Variants in SASH1 observed in about 807,000 individuals in gnomAD.
The protein encoded by SASH1 is SAM and SH3 domain-containing protein 1.
A neutral mutation model predicts 125.2 loss-of-function variants in SASH1; 44 were observed. The ratio of observed to expected loss-of-function variants is 0.35; its 90% confidence interval spans 0.28 to 0.45. The LOEUF (loss-of-function observed/expected upper bound fraction) is 0.45. SASH1 is among the 20% of genes least tolerant of loss of function. SASH1 has a pLI of 1.00. For missense variants in SASH1, 1,426 were observed against 1,614.5 expected, an observed-to-expected ratio of 0.88 and a Z score of 2.00; for synonymous variants, 639 against 649.1, an observed-to-expected ratio of 0.98 and a Z score of 0.24.
chr6:148,478,310 G>A (rs1256073546), intron 7 of SASH1, among the ~76,000 whole-genome samples: 6 of 152,274 alleles, frequency 3.9e-5, no homozygotes, highest in Non-Finnish European at 7.4e-5. Context: ...TAAAGAAAAT[G>A]TGGTACATAT....
rs113367122 is a variant in SASH1, at chr6:148,448,113, A to AGTGTGTGTGTGTGT, written c.386+7707_386+7708insTGTGTGTGTGTGTG. On this transcript the variant is annotated intron_variant, in intron 4 of 19. Coordinates refer to ENST00000367467, the MANE Select transcript of SASH1 (RefSeq NM_015278.5). ...CTCTCCTGCTTCTATTGCAGTGGAG[A>AGTGTGTGTGTGTGT]GAGTGTGTGTGTGTGTGTGTGTGTG... 1.5e-3 allele frequency among the ~76,000 whole-genome samples: 197 copies of AGTGTGTGTGTGTGT among 133,280 alleles called. 1 individual carries two copies. Among genetic ancestry groups the AGTGTGTGTGTGTGT allele is most frequent in the African/African-American group, 4.5e-3 (150 of 33,128 alleles). The allele number at this position is 133,280 out of a possible 152,430, so 87.4% of individuals were successfully genotyped here.
the SASH1 span, among the ~76,000 whole-genome samples, chr6:148,250,259 G>A: frequency 6.6e-6 from 1 of 152,118 alleles, no homozygotes. Context: ...AAACACGGAA[G>A]CATTCATCTT....
chr6:148,206,877 A>G, the SASH1 span, among the ~76,000 whole-genome samples: 1 of 151,822 alleles, frequency 6.6e-6, no homozygotes, highest in African/African-American at 2.4e-5. Context: ...CAGCTTGTTC[A>G]TGTTCCACCC....
chr6:148,210,689 C>G, the SASH1 span, among the ~76,000 whole-genome samples: 4 of 152,128 alleles, frequency 2.6e-5, no homozygotes, highest in African/African-American at 9.7e-5. Context: ...TTCCCAAAAC[C>G]TATGTGACAC....
At chr6:148,540,409 C>A (rs200604321) in intron 16 of SASH1, 34 bp from the exon 17 acceptor site, 1 of 1,549,226 alleles carries the variant, frequency 6.5e-7, no homozygotes, top group African/African-American at 1.4e-5. Flanking sequence ...TTTTCACTCA[C>A]CTTGTTGATT....
chr6:148,538,358 C>G (rs1262046388), intron 16 of SASH1, among the ~76,000 whole-genome samples: 1 of 152,176 alleles, frequency 6.6e-6, no homozygotes, highest in African/African-American at 2.4e-5. Flanking sequence ...ACCGACTCCT[C>G]TCCCTGGGTT....
intron 1 of SASH1, among the ~76,000 whole-genome samples, chr6:148,291,954 G>A (rs1290746567): frequency 6.6e-6 from 1 of 152,080 alleles, no homozygotes; most frequent in East Asian, 1.9e-4. Flanking sequence ...ATAGATACTA[G>A]TACTTAAAAG....
chr6:148,303,239 C>G lies in SASH1; in HGVS notation n.74+30862C>G, dbSNP rs558002682. On this transcript the variant is annotated intron_variant and non_coding_transcript_variant, in intron 1 of 3. Transcript: ENST00000367469. ...AGGTGATCCACCCACCTCAACCTCCCACAGTGCTGCAATTACAGGTATAAG... is the reference window on the plus strand; with the variant it reads ...AGGTGATCCACCCACCTCAACCTCCGACAGTGCTGCAATTACAGGTATAAG... Among the ~76,000 whole-genome samples the G allele has an allele frequency of 1.1e-3, 161 of 152,114 alleles. No individual in the cohort carries two copies. In the South Asian group the frequency reaches 0.012, roughly 12 times the overall value.
chr6:148,362,466 GC>G (rs1782273386), intron 1 of SASH1, among the ~76,000 whole-genome samples: 1 of 151,902 alleles, frequency 6.6e-6, no homozygotes, highest in Admixed American at 6.6e-5. Context: ...ATTGCAATGT[GC>G]CCCATCTTCC....
intron 1 of SASH1, among the ~76,000 whole-genome samples, chr6:148,350,138 C>T (rs200809042): frequency 6.6e-6 from 1 of 152,130 alleles, no homozygotes; most frequent in East Asian, 1.9e-4. Flanking sequence ...AGCCACCGCG[C>T]CCGGCAGATT....
At chr6:148,198,679 T>A in the SASH1 span, among the ~76,000 whole-genome samples, 8 of 152,372 alleles carry the variant, frequency 5.3e-5, no homozygotes, top group East Asian at 1.5e-3. Context: ...GGAGAAATTT[T>A]GAATCACAGA....
Position 148,551,346 on chromosome 6 carries a change from C to T in SASH1, c.*2788C>T, listed in dbSNP as rs1782867210. The T allele has an allele frequency of 6.6e-6, 1 of 152,426 alleles. No individual in the cohort carries two copies. The highest frequency in any genetic ancestry group is 1.5e-5 in the Non-Finnish European group (1 of 67,992). The allele number at this position is 152,426 out of a possible 1,614,324, so 9.4% of individuals were successfully genotyped here. A position where few individuals can be genotyped will look rare whatever the true frequency, so the allele number is the denominator to read the frequency against. On this transcript the variant is annotated 3_prime_UTR_variant, in exon 20 of 20. Coordinates refer to ENST00000367467, the MANE Select transcript of SASH1 (RefSeq NM_015278.5). ...TGAAAATTGTTGTCTTTGGAAAGCA[C>T]AAAAGAAACCTGGAAAGGCAGTTCG...
At chr6:148,274,500 G>A (rs1054926013) in intron 1 of SASH1, among the ~76,000 whole-genome samples, 9 of 152,196 alleles carry the variant, frequency 5.9e-5, no homozygotes, top group African/African-American at 2.2e-4. Flanking sequence ...CAGCAAGACA[G>A]AGGCTTTCTT....
At position 148,519,663 on chromosome 6, in the gene SASH1, G is replaced by A; in HGVS notation, c.979G>A (p.Asp327Asn). The change falls in exon 10 of 20, where the codon GAT becomes AAT. Residue 327 changes from aspartate (D) to asparagine (N), a missense_variant. By Grantham distance (23) the Asp-to-Asn change is conservative (BLOSUM62 1). Around this residue, in one of 3 missense-constraint regions of SASH1, gnomAD observed 567 missense variants for 575.6 expected, o/e 0.99. Transcript: ENST00000367467. The surrounding 1 kb of genome is among the most constrained non-coding windows in gnomAD (Gnocchi z 4.8). Reference sequence around the variant, plus strand: ...TGGCTCTCCTGAGAAACCTCCCGAAGATGACTCAGACTCTCTCACCACGTC... The same window carrying A: ...TGGCTCTCCTGAGAAACCTCCCGAAAATGACTCAGACTCTCTCACCACGTC... ...FDGSPEKPPE[D>N]DSDSLTTSPS... is the part of the protein sequence containing the mutation. 1 of 1,614,104 alleles carries A rather than the reference G, an allele frequency of 6.2e-7. No individual in the cohort carries two copies. Among genetic ancestry groups the A allele is most frequent in the Non-Finnish European group, 8.5e-7 (1 of 1,180,036 alleles).
intron 9 of SASH1, among the ~76,000 whole-genome samples, chr6:148,518,061 C>T (rs191527701): frequency 1.3e-5 from 2 of 152,266 alleles, no homozygotes; most frequent in Non-Finnish European, 2.9e-5. Flanking sequence ...GGAGGGTAGA[C>T]TATAACTAGA....
intron 2 of SASH1, among the ~76,000 whole-genome samples, chr6:148,414,262 TG>T (rs1185474539): frequency 1.3e-5 from 2 of 152,100 alleles, no homozygotes; most frequent in African/African-American, 4.8e-5. Context: ...TGTTCCCATA[TG>T]TATATTCATG....
the SASH1 span, among the ~76,000 whole-genome samples, chr6:148,249,996 T>A: frequency 6.6e-6 from 1 of 152,142 alleles, no homozygotes. Flanking sequence ...GTTAAGTGAG[T>A]GAATGAATCT....
At chr6:148,262,376 C>T in the SASH1 span, among the ~76,000 whole-genome samples, 1 of 152,182 alleles carries the variant, frequency 6.6e-6, no homozygotes, top group Admixed American at 6.5e-5. Context: ...CCCTAACAAA[C>T]TTCTGGGACC....
intron 4 of SASH1, among the ~76,000 whole-genome samples, chr6:148,444,004 T>C (rs1583168952): frequency 6.6e-6 from 1 of 152,306 alleles, no homozygotes; most frequent in East Asian, 1.9e-4. Flanking sequence ...GCAGAAGTTT[T>C]CTCTGCTTTT....
Sources: allele counts gnomAD v4.1 joint callset (sites outside exome capture counted in the v4.1 genomes callset), GRCh38; gene constraint gnomAD v4.1.1; regional missense constraint gnomAD v4.1.1; non-coding constraint Gnocchi (gnomAD v3.1); transcripts MANE v1.5; gene names NCBI Gene and HGNC (gene_info 2026-07-23, HGNC 2026-07-21).